Variants in CTNND2 observed in about 807,000 individuals in gnomAD.
CTNND2 encodes catenin delta-2.
A neutral mutation model predicts 144.4 loss-of-function variants in CTNND2; 22 were observed. The ratio of observed to expected loss-of-function variants is 0.15; its 90% CI spans 0.11 to 0.22. The LOEUF (loss-of-function observed/expected upper bound fraction) is 0.22. CTNND2 is among the 10% of genes least tolerant of loss of function. CTNND2 has a pLI of 1.00. For synonymous variants in CTNND2, 751 were observed against 695.6 expected (o/e 1.08, Z -1.25); for missense variants, 1,353 against 1,618.8 (o/e 0.84, Z 2.82).
intron 3 of CTNND2, among the ~76,000 whole-genome samples, chr5:11,436,991 T>C (rs1304419312): frequency 4.6e-5 from 7 of 152,192 alleles, no homozygotes. Flanking sequence ...ATTTTCCCAA[T>C]ATTGAAATAA....
intron 12 of CTNND2, among the ~76,000 whole-genome samples, chr5:11,145,910 T>C (rs1435661977): frequency 2.6e-5 from 4 of 152,138 alleles, no homozygotes; most frequent in African/African-American, 9.7e-5. Context: ...CAGACATGCA[T>C]CATCTTCCTC....
chr5:11,807,184 C>T (rs1328211920), intron 1 of CTNND2, among the ~76,000 whole-genome samples: 1 of 152,126 alleles, frequency 6.6e-6, no homozygotes, highest in Non-Finnish European at 1.5e-5. Flanking sequence ...TTTCTTTCCA[C>T]ACTTAATTCC....
At position 11,564,971 on chromosome 5, in the gene CTNND2, G is replaced by A. The variant is rs879590937; in HGVS notation, c.260C>T (p.Ser87Phe). The A allele has an allele frequency of 1.2e-6, 2 of 1,613,952 alleles. No homozygotes were observed. The highest frequency in any genetic ancestry group is 1.7e-6 in the Non-Finnish European group (2 of 1,179,878). ...ASQLERCKLG[S>F]ETGSMSSMSS... ...CATGCTGCTCATGCTGCCAGTCTCGGATCCGAGCTTGCATCGCTCCAGCTG... is the reference window on the plus strand; with the variant it reads ...CATGCTGCTCATGCTGCCAGTCTCGAATCCGAGCTTGCATCGCTCCAGCTG... The change falls in exon 3 of 22, where the codon TCC (serine) becomes TTC (phenylalanine). Residue 87 changes from serine (S) to phenylalanine (F), a missense_variant. Around this residue, in one of 4 missense-constraint regions of CTNND2, gnomAD observed 708 missense variants for 706.4 expected, o/e 1.00. Transcript: ENST00000304623.
At chr5:11,483,991 G>T (rs1473253073) in intron 3 of CTNND2, among the ~76,000 whole-genome samples, 2 of 152,190 alleles carry the variant, frequency 1.3e-5, no homozygotes, top group African/African-American at 4.8e-5. Context: ...ATAGATATTA[G>T]AATCAGTCCC....
chr5:11,501,079 C>T (rs1241892735), intron 3 of CTNND2, among the ~76,000 whole-genome samples: 1 of 152,184 alleles, frequency 6.6e-6, no homozygotes, highest in Non-Finnish European at 1.5e-5. Context: ...TGAAAAGAGA[C>T]TACTCTAGTG....
intron 3 of CTNND2, among the ~76,000 whole-genome samples, chr5:11,473,367 A>T (rs1018005198): frequency 6.6e-6 from 1 of 152,226 alleles, no homozygotes; most frequent in African/African-American, 2.4e-5. Flanking sequence ...GTTGTTTATT[A>T]TAAGTATTAG....
At chr5:11,093,049 T>C in intron 15 of CTNND2, among the ~76,000 whole-genome samples, 1 of 152,250 alleles carries the variant, frequency 6.6e-6, no homozygotes, top group East Asian at 1.9e-4. Flanking sequence ...TAAGTCCATG[T>C]TGCTATTACG....
At chr5:11,136,777 A>G (rs575932043) in intron 12 of CTNND2, among the ~76,000 whole-genome samples, 2 of 152,378 alleles carry the variant, frequency 1.3e-5, no homozygotes, top group African/African-American at 2.4e-5. Context: ...TCAAAAATAT[A>G]TATCGAAGCA....
At chr5:11,386,594 TTCTC>T (rs1581083450) in intron 6 of CTNND2, among the ~76,000 whole-genome samples, 1 of 152,222 alleles carries the variant, frequency 6.6e-6, no homozygotes, top group African/African-American at 2.4e-5. Flanking sequence ...GTGAGAGACT[TTCTC>T]TATGCAGAGT....
Position 11,146,550 on chromosome 5 carries a change from A to G in CTNND2, c.2159+13026T>C, listed in dbSNP as rs1314948135. Among the ~76,000 whole-genome samples, 4 of 152,340 alleles carry G rather than the reference A, an allele frequency of 2.6e-5. No individual in the cohort carries two copies. The East Asian group carries it at 7.7e-4, about 29-fold the overall frequency. ...ATATATCATTTATGATGCTATCCTG[A>G]GAATTACGTGATGATTAGAGGTATT... On this transcript the variant is annotated intron_variant, in intron 12 of 21. Transcript: ENST00000304623.
chr5:11,841,886 A>G (rs1459412973), intron 1 of CTNND2, among the ~76,000 whole-genome samples: 1 of 151,570 alleles, frequency 6.6e-6, no homozygotes, highest in Non-Finnish European at 1.5e-5. Context: ...TGGAACCAAC[A>G]GTATCAATCA....
rs562176148 is a variant in CTNND2, at chr5:11,620,323, T to A, written c.175-55267A>T. ...GTAACCAATCCAGTGCCCAATCACA[T>A]CACTGCCTCCTCTACAGGGCTGTCA... On this transcript the variant is annotated intron_variant, in intron 2 of 21. Transcript: ENST00000304623. Among the ~76,000 whole-genome samples the A allele has an allele frequency of 1.6e-4, 25 of 152,216 alleles. 2 individuals are homozygous for A. The East Asian group carries it at 4.7e-3, about 28-fold the overall frequency.
intron 10 of CTNND2, among the ~76,000 whole-genome samples, chr5:11,203,095 G>A (rs1256136947): frequency 5.9e-5 from 9 of 152,088 alleles, no homozygotes; most frequent in African/African-American, 2.4e-5. Context: ...ATGAGCCACC[G>A]CACCTGGCCC....
At chr5:11,728,444 C>T (rs1335210849) in intron 2 of CTNND2, among the ~76,000 whole-genome samples, 1 of 152,126 alleles carries the variant, frequency 6.6e-6, no homozygotes, top group African/African-American at 2.4e-5. Flanking sequence ...CACCACCGCA[C>T]TCTAGCCTGG....
chr5:11,739,432 C>A (rs775155318), intron 1 of CTNND2, among the ~76,000 whole-genome samples: 41 of 152,200 alleles, frequency 2.7e-4, no homozygotes, highest in Non-Finnish European at 5.0e-4. Flanking sequence ...CAGGGAAAGG[C>A]AACCTTGCCT....
chr5:11,580,325 CATGGAGTTTT>C (rs1474850942), intron 2 of CTNND2, among the ~76,000 whole-genome samples: 1 of 152,112 alleles, frequency 6.6e-6, no homozygotes, highest in Non-Finnish European at 1.5e-5. Context: ...AGGTATTTTC[CATGGAGTTTT>C]ATGTAAAGAA....
At chr5:11,731,918 T>G in intron 2 of CTNND2, among the ~76,000 whole-genome samples, 1 of 152,294 alleles carries the variant, frequency 6.6e-6, no homozygotes, top group South Asian at 2.1e-4. Context: ...AAAGTTGTTT[T>G]TCTTCCCCTA....
chr5:11,781,212 G>T (rs1469785339), intron 1 of CTNND2, among the ~76,000 whole-genome samples: 1 of 116,942 alleles, frequency 8.6e-6, no homozygotes, highest in East Asian at 2.5e-4. Context: ...TAATCCAACT[G>T]ACAGAGGAGG....
At chr5:11,028,834 G>A in intron 16 of CTNND2, among the ~76,000 whole-genome samples, 1 of 152,130 alleles carries the variant, frequency 6.6e-6, no homozygotes, top group Admixed American at 6.6e-5. Context: ...TCAGCCTCCT[G>A]AGTAGCTGAG....
Sources: allele counts gnomAD v4.1 joint callset (sites outside exome capture counted in the v4.1 genomes callset), GRCh38; gene constraint gnomAD v4.1.1; regional missense constraint gnomAD v4.1.1; transcripts MANE v1.5; gene names NCBI Gene and HGNC (gene_info 2026-07-23, HGNC 2026-07-21).